NF1: variants seen among roughly 807,000 people sequenced by gnomAD.
The protein encoded by NF1 is neurofibromin.
A neutral mutation model predicts 325.7 loss-of-function variants in NF1; 122 were observed. The observed-to-expected ratio is 0.37, with a 90% CI of 0.32 to 0.44. NF1 has a LOEUF of 0.44. Ranked by LOEUF, NF1 falls within the 20% of genes least tolerant of loss-of-function variation. The pLI, the probability that NF1 is intolerant of heterozygous loss-of-function variation, is 1.00. For synonymous variants in NF1, 1,091 were observed against 1,186.0 expected, an observed-to-expected ratio of 0.92 and a Z score of 1.65; for missense variants, 2,140 against 3,415.4, an observed-to-expected ratio of 0.63 and a Z score of 9.31.
At chr17:31,313,588 C>G (rs1393908542) in intron 36 of NF1, among the ~76,000 whole-genome samples, 1 of 151,680 alleles carries the variant, frequency 6.6e-6, no homozygotes, top group Non-Finnish European at 1.5e-5. Context: ...CGCCTGTAAT[C>G]CGAGCTACTT....
At chr17:31,222,652 T>A in intron 15 of NF1, 1 of 465,570 alleles carries the variant, frequency 2.1e-6, no homozygotes, top group Non-Finnish European at 2.9e-6. Flanking sequence ...AAATTAATTG[T>A]AATTATGTTT....
At chr17:31,342,163 G>A (rs1567619976) in intron 47 of NF1, among the ~76,000 whole-genome samples, 3 of 152,312 alleles carry the variant, frequency 2.0e-5, no homozygotes, top group East Asian at 3.9e-4. Flanking sequence ...GAACTAAGAA[G>A]TTAAGTAACT....
intron 30 of NF1, chr17:31,252,721 C>G: frequency 1.8e-6 from 1 of 555,002 alleles, no homozygotes; most frequent in Non-Finnish European, 3.2e-6. Flanking sequence ...GATTGGGTCT[C>G]AACATTTCTT....
At chr17:31,143,668 T>C (rs1339978502) in intron 1 of NF1, among the ~76,000 whole-genome samples, 1 of 152,210 alleles carries the variant, frequency 6.6e-6, no homozygotes, top group African/African-American at 2.4e-5. Flanking sequence ...TGATTTGAAA[T>C]ACCACCTTTA....
At position 31,375,902 on chromosome 17, in the gene NF1, G is replaced by A. The variant is rs1385786128; in HGVS notation, c.*1747G>A. The A allele has an allele frequency of 8.6e-6, 2 of 232,668 alleles. No individual in the cohort carries two copies. The highest frequency in any genetic ancestry group is 2.2e-5 in the African/African-American group (1 of 45,274). The allele number at this position is 232,668 out of a possible 1,614,324, so 14.4% of individuals were successfully genotyped here. A position where few individuals can be genotyped will look rare whatever the true frequency, so the allele number is the denominator to read the frequency against. On this transcript the variant is annotated 3_prime_UTR_variant, in exon 58 of 58. Coordinates refer to ENST00000358273, the MANE Select transcript of NF1 (RefSeq NM_001042492.3). ...GTAAGAATTATTTGCCAAAATAAGAGGAAAGAAAACCTTAGTATTATTAAT... is the reference window on the plus strand; with the variant it reads ...GTAAGAATTATTTGCCAAAATAAGAAGAAAGAAAACCTTAGTATTATTAAT...
intron 29 of NF1, among the ~76,000 whole-genome samples, chr17:31,241,830 A>G (rs1265331587): frequency 6.6e-6 from 1 of 152,186 alleles, no homozygotes; most frequent in East Asian, 1.9e-4. Flanking sequence ...TACTGTTACC[A>G]GTGAATTTTG....
At chr17:31,338,344 C>G (rs1164878235) in intron 45 of NF1, among the ~76,000 whole-genome samples, 1 of 152,112 alleles carries the variant, frequency 6.6e-6, no homozygotes, top group Non-Finnish European at 1.5e-5. Context: ...TATGTAAACT[C>G]TGATTACTTC....
chr17:31,307,871 A>G lies in NF1; in HGVS notation c.4836-17949A>G, dbSNP rs1443277642. The stretch of plus-strand genomic sequence containing the variant: ...GATGTTCTGTTGGAAGGTGCAATAA[A>G]GGTTTTACAAATTACCTTTTCAGCA... On this transcript the variant is annotated intron_variant, in intron 36 of 57. Transcript: ENST00000358273. 3 of 1,287,542 alleles carry G rather than the reference A, an allele frequency of 2.3e-6. No homozygotes were observed. The South Asian group carries it at 3.7e-5, about 16-fold the overall frequency. The allele number at this position is 1,287,542 out of a possible 1,614,324, so 79.8% of individuals were successfully genotyped here.
At position 31,101,757 on chromosome 17, in the gene NF1, C is replaced by G. The variant is rs186065887; in HGVS notation, c.60+6388C>G. Among the ~76,000 whole-genome samples the G allele has an allele frequency of 3.8e-3, 575 of 152,064 alleles. 2 individuals are homozygous for G. Among genetic ancestry groups the G allele is most frequent in the Non-Finnish European group, 5.5e-3 (376 of 67,996 alleles). On this transcript the variant is annotated intron_variant, in intron 1 of 57. Coordinates refer to ENST00000358273, the MANE Select transcript of NF1 (RefSeq NM_001042492.3). ...TGAGGTTGTTTCAGACTAAACTCTG[C>G]TATCTCACTTCTTGGTATCCTTGTT...
At chr17:31,308,945 G>A (rs1304268893) in intron 36 of NF1, among the ~76,000 whole-genome samples, 1 of 152,124 alleles carries the variant, frequency 6.6e-6, no homozygotes, top group Non-Finnish European at 1.5e-5. Context: ...CTTGAAGAAG[G>A]CAGAAAGGAG....
At chr17:31,334,085 G>A (rs962833713) in intron 39 of NF1, among the ~76,000 whole-genome samples, 3 of 152,102 alleles carry the variant, frequency 2.0e-5, no homozygotes, top group African/African-American at 7.2e-5. Context: ...AGGAGATTGA[G>A]ACCATCCTGG....
At position 31,372,854 on chromosome 17, in the gene NF1, C is replaced by T. The variant is rs149573635; in HGVS notation, c.8378-1159C>T. On this transcript the variant is annotated intron_variant, in intron 57 of 57. Transcript: ENST00000358273. ...AACATAGTGAGACTCTATCTCTAGA[C>T]AGAATTTTAAAATTAGCTGGGCATG... Among the ~76,000 whole-genome samples, 687 of 152,144 alleles carry T rather than the reference C, an allele frequency of 4.5e-3. 6 individuals are homozygous for T. Among genetic ancestry groups the T allele is most frequent in the African/African-American group, 0.016 (658 of 41,518 alleles).
chr17:31,334,618 CTT>C (rs746565762), intron 39 of NF1: 18 of 510,664 alleles, frequency 3.5e-5, no homozygotes, highest in Non-Finnish European at 5.9e-5. Flanking sequence ...TAAGACAAAA[CTT>C]TTCAAAAATT....
At chr17:31,105,663 C>A (rs184485388) in intron 1 of NF1, among the ~76,000 whole-genome samples, 1 of 152,062 alleles carries the variant, frequency 6.6e-6, no homozygotes. Context: ...GACAGGCATG[C>A]GCCACCATGC....
chr17:31,325,449 G>T (rs1203459825), intron 36 of NF1, among the ~76,000 whole-genome samples: 1 of 152,194 alleles, frequency 6.6e-6, no homozygotes, highest in African/African-American at 2.4e-5. Context: ...TGGGATAAAT[G>T]GATTGGCTAA....
chr17:31,129,454 ATTTTTT>A (rs59199139), intron 1 of NF1, among the ~76,000 whole-genome samples: 1 of 126,438 alleles, frequency 7.9e-6, no homozygotes. Context: ...GCATTATGAA[ATTTTTT>A]TTTTTTTTTT....
chr17:31,364,556 T>C (rs926998016), intron 57 of NF1, among the ~76,000 whole-genome samples: 7 of 152,212 alleles, frequency 4.6e-5, no homozygotes, highest in African/African-American at 1.7e-4. Flanking sequence ...AAATTAAACA[T>C]TTGGGCAGTA....
intron 2 of NF1, among the ~76,000 whole-genome samples, chr17:31,157,767 G>A (rs2065689464): frequency 6.9e-6 from 1 of 144,126 alleles, no homozygotes; most frequent in Non-Finnish European, 1.5e-5. Context: ...AGACCATCCT[G>A]TCTAACATGG....
chr17:31,273,841 G>A lies in NF1; in HGVS notation c.4835+8502G>A, dbSNP rs1181830628. ...GCTAATTTAAAGAATCCAGTGAATAGCATTTGTTATTCCTCTTACCATGTA... is the reference window on the plus strand; with the variant it reads ...GCTAATTTAAAGAATCCAGTGAATAACATTTGTTATTCCTCTTACCATGTA... On this transcript the variant is annotated intron_variant, in intron 36 of 57. Coordinates refer to ENST00000358273, the MANE Select transcript of NF1 (RefSeq NM_001042492.3). 2.6e-5 allele frequency among the ~76,000 whole-genome samples: 4 copies of A among 152,248 alleles called. No homozygotes were observed. In the South Asian group the frequency reaches 6.2e-4, roughly 24 times the overall value.
Sources: gnomAD v4.1 joint callset for allele counts (sites outside exome capture counted in the v4.1 genomes callset) on GRCh38, gnomAD v4.1.1 for gene constraint, MANE v1.5 for transcripts, NCBI Gene and HGNC (gene_info 2026-07-23, HGNC 2026-07-21) for gene names.